DHX15: variants seen among roughly 807,000 people sequenced by gnomAD.
The protein encoded by DHX15 is ATP-dependent RNA helicase DHX15.
Under a neutral mutation model 94.4 loss-of-function variants are expected in DHX15, and 11 were observed. That is an observed-to-expected ratio of 0.12 (90% CI 0.07 to 0.19). The LOEUF (loss-of-function observed/expected upper bound fraction) is 0.19. DHX15 is among the 10% of genes least tolerant of loss of function. DHX15 has a pLI of 1.00. For synonymous variants in DHX15, 338 were observed against 329.9 expected, an observed-to-expected ratio of 1.02 and a Z score of -0.27; for missense variants, 304 against 988.5, an observed-to-expected ratio of 0.31 and a Z score of 9.29.
intron 12 of DHX15, among the ~76,000 whole-genome samples, chr4:24,531,549 C>T (rs1721084358): frequency 6.6e-6 from 1 of 152,046 alleles, no homozygotes; most frequent in Admixed American, 6.5e-5. Flanking sequence ...CCTCTCTCTA[C>T]ACACACAAAA....
chr4:24,546,907 C>CA (rs1034585904), intron 6 of DHX15, among the ~76,000 whole-genome samples: 3 of 151,692 alleles, frequency 2.0e-5, no homozygotes, highest in African/African-American at 7.3e-5. Context: ...AACAGTTTAA[C>CA]AAAAAAATCA....
At position 24,576,693 on chromosome 4, in the gene DHX15, T is replaced by A; in HGVS notation, c.72-15A>T. 1.2e-6 allele frequency: 2 copies of A among 1,607,204 alleles called. No homozygotes were observed. The highest frequency in any genetic ancestry group is 1.7e-6 in the Non-Finnish European group (2 of 1,175,106). On this transcript the variant is annotated splice_polypyrimidine_tract_variant and intron_variant, in intron 1 of 13. Transcript: ENST00000336812. ...CTCGATCCTTCCTAAAAACAAAAATTTAGAATTCAGATTCTGAATTTTATG... is the reference window on the plus strand; with the variant it reads ...CTCGATCCTTCCTAAAAACAAAAATATAGAATTCAGATTCTGAATTTTATG...
intron 3 of DHX15, among the ~76,000 whole-genome samples, chr4:24,569,070 G>A (rs1032994787): frequency 6.6e-6 from 1 of 152,098 alleles, no homozygotes; most frequent in Non-Finnish European, 1.5e-5. Flanking sequence ...CACAAATGTT[G>A]AATGAAAACT....
chr4:24,528,291 A>G (rs2109389547), intron 13 of DHX15, among the ~76,000 whole-genome samples: 1 of 152,308 alleles, frequency 6.6e-6, no homozygotes, highest in Admixed American at 6.5e-5. Context: ...ACCCCTCAAG[A>G]TACATTAATG....
chr4:24,535,453 T>A (rs776171577), intron 11 of DHX15, among the ~76,000 whole-genome samples: 1 of 152,174 alleles, frequency 6.6e-6, no homozygotes, highest in East Asian at 1.9e-4. Flanking sequence ...GTTTTTTGAG[T>A]AGATCTGTCT....
rs188754899 is a variant in DHX15, at chr4:24,561,843, C to T, written c.702-5433G>A. ...CTGTCAGGTAACTATGCTTATTACC[C>T]GAGTAACAAAGTAATCTGTACACCA... On this transcript the variant is annotated intron_variant, in intron 3 of 13. Transcript: ENST00000336812. 2.3e-4 allele frequency among the ~76,000 whole-genome samples: 35 copies of T among 152,088 alleles called. No homozygotes were observed. The East Asian group carries it at 6.4e-3, about 28-fold the overall frequency.
intron 1 of DHX15, among the ~76,000 whole-genome samples, chr4:24,583,153 C>A (rs1354258952): frequency 6.6e-6 from 1 of 152,172 alleles, no homozygotes; most frequent in Admixed American, 6.5e-5. Flanking sequence ...TAAAATGATA[C>A]AATTATGCAA....
intron 3 of DHX15, among the ~76,000 whole-genome samples, chr4:24,558,174 C>T (rs1721782951): frequency 6.6e-6 from 1 of 152,092 alleles, no homozygotes; most frequent in African/African-American, 2.4e-5. Flanking sequence ...CAACAATTCA[C>T]ATTATTTGAG....
At chr4:24,561,276 C>T (rs1242453879) in intron 3 of DHX15, among the ~76,000 whole-genome samples, 3 of 152,138 alleles carry the variant, frequency 2.0e-5, no homozygotes, top group African/African-American at 7.2e-5. Flanking sequence ...CAATGAGATA[C>T]CATCTTATAC....
At chr4:24,543,430 T>C (rs1235382151) in intron 6 of DHX15, among the ~76,000 whole-genome samples, 3 of 152,150 alleles carry the variant, frequency 2.0e-5, no homozygotes, top group East Asian at 1.9e-4. Flanking sequence ...TTGGGCAATA[T>C]TTACAAATGA....
At position 24,548,918 on chromosome 4, in the gene DHX15, C is replaced by T. The variant is rs150538902; in HGVS notation, c.1185G>A (p.Gln395=). ...IIPLYSTLPP[Q]QQQRIFEPPP... ...GAGGCTCAAAAATGCGTTGCTGCTG[C>T]TGAGGTGGAAGTGTAGAATACAATG... The change falls in exon 6 of 14, where the codon CAG becomes CAA. Residue 395 remains glutamine (Q), a synonymous_variant. Transcript: ENST00000336812. 8 of 1,613,420 alleles carry T rather than the reference C, an allele frequency of 5.0e-6. No individual in the cohort carries two copies. In the African/African-American group the frequency reaches 9.3e-5, roughly 19 times the overall value.
chr4:24,565,879 A>G (rs1167353899), intron 3 of DHX15, among the ~76,000 whole-genome samples: 1 of 152,172 alleles, frequency 6.6e-6, no homozygotes, highest in Non-Finnish European at 1.5e-5. Flanking sequence ...TCAGGTAGTT[A>G]GTACCAGCTC....
chr4:24,539,330 C>A (rs536327178), intron 10 of DHX15, among the ~76,000 whole-genome samples: 1 of 152,172 alleles, frequency 6.6e-6, no homozygotes, highest in African/African-American at 2.4e-5. Context: ...ATATTTTAAT[C>A]GTCAGTAAGA....
At chr4:24,532,051 G>C (rs1010882982) in intron 12 of DHX15, among the ~76,000 whole-genome samples, 1 of 152,160 alleles carries the variant, frequency 6.6e-6, no homozygotes, top group African/African-American at 2.4e-5. Context: ...AAACAGAAAA[G>C]AGATAGAAGA....
chr4:24,547,725 G>A (rs1225894232), intron 6 of DHX15, among the ~76,000 whole-genome samples: 1 of 151,388 alleles, frequency 6.6e-6, no homozygotes, highest in Non-Finnish European at 1.5e-5. Context: ...CCCAGGAGGG[G>A]GGACTGATTG....
At chr4:24,562,023 TG>T (rs1721883510) in intron 3 of DHX15, among the ~76,000 whole-genome samples, 1 of 147,994 alleles carries the variant, frequency 6.8e-6, no homozygotes, top group Admixed American at 6.9e-5. Flanking sequence ...CCCAGCTACT[TG>T]GGAGGCTGAG....
chr4:24,576,597 T>G lies in DHX15; in HGVS notation c.153A>C (p.Arg51=), dbSNP rs761977787. The part of the protein sequence containing the change: ...DRERDRGDRE[R]EREKEKEKEL... ...CCTTCTCCTTTTCTTTCTCCCTCTC[T>G]CGCTCTCTATCTCCTCTATCACGTT... Residue 51 remains arginine, a synonymous_variant, in exon 2 of 14, where the codon CGA becomes CGC. Coordinates refer to ENST00000336812, the MANE Select transcript of DHX15 (RefSeq NM_001358.3). 8.7e-6 allele frequency: 14 copies of G among 1,614,138 alleles called. No homozygotes were observed. The African/African-American group carries it at 1.9e-4, about 22-fold the overall frequency.
chr4:24,572,212 C>T (rs1577349630), intron 2 of DHX15, among the ~76,000 whole-genome samples: 1 of 152,162 alleles, frequency 6.6e-6, no homozygotes, highest in Non-Finnish European at 1.5e-5. Flanking sequence ...ATAATCTTGG[C>T]TCACTGTAAC....
At chr4:24,570,917 C>G in intron 2 of DHX15, 70 bp from the exon 3 acceptor site, 1 of 1,471,260 alleles carries the variant, frequency 6.8e-7, no homozygotes, top group Non-Finnish European at 9.3e-7. Context: ...ACATAAAGCA[C>G]TTTATCTCAT....
Sources: gnomAD v4.1 joint callset for allele counts (sites outside exome capture counted in the v4.1 genomes callset) on GRCh38, gnomAD v4.1.1 for gene constraint, MANE v1.5 for transcripts, NCBI Gene and HGNC (gene_info 2026-07-23, HGNC 2026-07-21) for gene names.